The following ATE1 variants were observed in gnomAD, a reference collection of about 807,000 sequenced individuals.
The protein encoded by ATE1 is arginyltransferase 1, also known as arginyl-tRNA--protein transferase 1.
A neutral mutation model predicts 70.5 loss-of-function variants in ATE1; 36 were observed. The observed-to-expected ratio is 0.51, with a 90% CI of 0.39 to 0.67. The LOEUF (loss-of-function observed/expected upper bound fraction) is 0.67. ATE1 is among the 30% of genes least tolerant of loss of function. ATE1 has a pLI of 0.00. For missense variants in ATE1, 593 were observed against 629.5 expected (o/e 0.94, Z 0.62); for synonymous variants, 232 against 219.3 (o/e 1.06, Z -0.51).
At chr10:121,875,390 C>T (rs541727291) in intron 7 of ATE1, among the ~76,000 whole-genome samples, 35 of 149,910 alleles carry the variant, frequency 2.3e-4, no homozygotes, top group Middle Eastern at 3.4e-3. Flanking sequence ...CTGCAACCTC[C>T]GCCTCTCAGG....
intron 8 of ATE1, among the ~76,000 whole-genome samples, chr10:121,859,385 T>C (rs1334158635): frequency 6.6e-6 from 1 of 151,062 alleles, no homozygotes; most frequent in Admixed American, 6.6e-5. Context: ...GCCTCCCAAG[T>C]AGCTGGGACT....
intron 10 of ATE1, among the ~76,000 whole-genome samples, chr10:121,829,185 G>A (rs1948138242): frequency 6.6e-6 from 1 of 152,138 alleles, no homozygotes; most frequent in Non-Finnish European, 1.5e-5. Context: ...AGCACTTTGG[G>A]AGGCCGAGGC....
intron 8 of ATE1, among the ~76,000 whole-genome samples, chr10:121,859,268 T>A (rs549456798): frequency 2.0e-5 from 3 of 151,208 alleles, no homozygotes; most frequent in African/African-American, 4.8e-5. Flanking sequence ...TTATTTTTTT[T>A]TTTTTTGAGA....
chr10:121,868,743 G>A (rs996871879), intron 8 of ATE1, among the ~76,000 whole-genome samples: 1 of 152,008 alleles, frequency 6.6e-6, no homozygotes, highest in Admixed American at 6.6e-5. Context: ...ATACCACTCT[G>A]CTTCCCCGTT....
chr10:121,775,611 A>G (rs1200372292), intron 11 of ATE1, among the ~76,000 whole-genome samples: 1 of 152,234 alleles, frequency 6.6e-6, no homozygotes, highest in African/African-American at 2.4e-5. Context: ...CCCACAACTA[A>G]TATGTGTGTA....
chr10:121,857,938 A>G (rs1022736241), intron 8 of ATE1, among the ~76,000 whole-genome samples: 5 of 152,342 alleles, frequency 3.3e-5, no homozygotes, highest in Admixed American at 6.5e-5. Context: ...AGTAGATCAT[A>G]TAATATTTGT....
At chr10:121,805,136 CAATT>C (rs1947045698) in intron 10 of ATE1, among the ~76,000 whole-genome samples, 1 of 152,122 alleles carries the variant, frequency 6.6e-6, no homozygotes, top group Admixed American at 6.6e-5. Flanking sequence ...TCACACAAGA[CAATT>C]AAAAGTAACC....
At chr10:121,922,572 C>T (rs1473390981) in intron 2 of ATE1, among the ~76,000 whole-genome samples, 161 bp from the exon 3 acceptor site, 2 of 152,148 alleles carry the variant, frequency 1.3e-5, no homozygotes, top group Non-Finnish European at 2.9e-5. Context: ...CTTCAAAGTG[C>T]GTGTAGCAAA....
chr10:121,822,383 G>A (rs1385715610), intron 10 of ATE1, among the ~76,000 whole-genome samples: 1 of 152,148 alleles, frequency 6.6e-6, no homozygotes. Flanking sequence ...TTGGGGGATG[G>A]GACCATAACC....
chr10:121,755,763 A>C (rs1368626655), intron 11 of ATE1, among the ~76,000 whole-genome samples: 1 of 152,210 alleles, frequency 6.6e-6, no homozygotes, highest in Non-Finnish European at 1.5e-5. Flanking sequence ...CACTATCATA[A>C]GACCAGCATG....
intron 8 of ATE1, among the ~76,000 whole-genome samples, chr10:121,862,523 ATTTTTTTAATTTT>A (rs1429286359): frequency 8.2e-6 from 1 of 121,984 alleles, no homozygotes; most frequent in African/African-American, 3.1e-5. Flanking sequence ...CAACTGATTA[ATTTTTTTAATTTT>A]TTTTTTTTTT....
chr10:121,877,996 T>C (rs1950108889), intron 7 of ATE1, among the ~76,000 whole-genome samples: 1 of 152,228 alleles, frequency 6.6e-6, no homozygotes, highest in Non-Finnish European at 1.5e-5. Context: ...CCAGCAATAG[T>C]AGAACAGATT....
chr10:121,903,991 T>C (rs1429628458), intron 5 of ATE1, among the ~76,000 whole-genome samples: 1 of 151,760 alleles, frequency 6.6e-6, no homozygotes, highest in South Asian at 2.1e-4. Context: ...TTTTCTTTTT[T>C]TTTTTTGAGA....
chr10:121,910,413 A>T (rs1186836070), intron 5 of ATE1, among the ~76,000 whole-genome samples: 3 of 152,104 alleles, frequency 2.0e-5, no homozygotes, highest in Non-Finnish European at 4.4e-5. Flanking sequence ...GTAATAACAT[A>T]AAAAAATCTT....
intron 10 of ATE1, among the ~76,000 whole-genome samples, chr10:121,828,546 A>G (rs1380786629): frequency 6.6e-6 from 1 of 152,176 alleles, no homozygotes; most frequent in Non-Finnish European, 1.5e-5. Context: ...AGACAGAGAA[A>G]GTGAATGCTG....
chr10:121,866,867 T>A (rs913051586), intron 8 of ATE1, among the ~76,000 whole-genome samples: 12 of 142,228 alleles, frequency 8.4e-5, no homozygotes, highest in East Asian at 4.2e-4. Flanking sequence ...AAAAAAAAAA[T>A]TTGTATATTC....
chr10:121,852,154 G>A (rs1451002777), intron 8 of ATE1, among the ~76,000 whole-genome samples: 1 of 152,208 alleles, frequency 6.6e-6, no homozygotes, highest in Non-Finnish European at 1.5e-5. Flanking sequence ...GAAGTTCAAA[G>A]ATAGGAAGAC....
chr10:121,895,842 C>A (rs1294325354), intron 7 of ATE1, among the ~76,000 whole-genome samples: 3 of 151,946 alleles, frequency 2.0e-5, no homozygotes, highest in Non-Finnish European at 4.4e-5. Flanking sequence ...TCACTTGAAC[C>A]TGGGAGGCAA....
chr10:121,801,264 A>G (rs956672111), intron 10 of ATE1, among the ~76,000 whole-genome samples: 1 of 152,214 alleles, frequency 6.6e-6, no homozygotes, highest in Admixed American at 6.5e-5. Flanking sequence ...AAGCGTTCTC[A>G]AAGGCTCCGG....
Sources: allele counts gnomAD v4.1 joint callset (sites outside exome capture counted in the v4.1 genomes callset), GRCh38; gene constraint gnomAD v4.1.1; transcripts MANE v1.5; gene names NCBI Gene and HGNC (gene_info 2026-07-23, HGNC 2026-07-21).